USP49: variants seen among roughly 807,000 people sequenced by gnomAD.
USP49 encodes the protein ubiquitin carboxyl-terminal hydrolase 49.
Under a neutral mutation model 58.6 loss-of-function variants are expected in USP49, and 24 were observed. The ratio of observed to expected loss-of-function variants is 0.41; its 90% CI spans 0.30 to 0.58. The LOEUF is 0.58. Among genes scored for constraint, USP49 ranks in the 20% least tolerant of loss-of-function variants. The pLI is 0.30. For missense variants in USP49, 703 were observed against 866.1 expected (o/e 0.81, Z 2.36); for synonymous variants, 408 against 365.1 (o/e 1.12, Z -1.34).
rs1278980522 is a variant in USP49, at chr6:41,805,768, C to T, written c.1216G>A (p.Glu406Lys). The change falls in exon 4 of 8, where the codon GAG (glutamate) becomes AAG (lysine). Residue 406 changes from glutamate (E) to lysine (K), a missense_variant. By Grantham distance (56) the Glu-to-Lys change is moderately conservative. Transcript: ENST00000682992. The stretch of plus-strand genomic sequence containing the variant: ...TCCTGCTGCACCTTGTGCAGCAGCT[C>T]GCAGAGAAATTCCTGCGCGTCCTGT... ...DQQDAQEFLC[E>K]LLHKVQQELE... 1.2e-6 allele frequency: 2 copies of T among 1,614,078 alleles called. No individual in the cohort carries two copies. The highest frequency in any genetic ancestry group is 1.7e-6 in the Non-Finnish European group (2 of 1,180,012).
chr6:41,853,999 CGAAAAAAAAAA>C (rs1319725790), intron 3 of USP49, among the ~76,000 whole-genome samples: 6 of 58,870 alleles, frequency 1.0e-4, no homozygotes, highest in South Asian at 6.4e-4. Context: ...GACTCTGTCT[CGAAAAAAAAAA>C]AAAAAAAAAA....
intron 3 of USP49, among the ~76,000 whole-genome samples, chr6:41,851,827 C>T (rs1450772242): frequency 6.6e-5 from 10 of 151,440 alleles, no homozygotes; most frequent in Non-Finnish European, 1.3e-4. Flanking sequence ...TTGCGGCGGG[C>T]ACCTGTAATC....
In USP49 at chr6:41,827,369, A is replaced by C. The variant is rs973662746; in HGVS notation, c.-28-20358T>G. On this transcript the variant is annotated intron_variant, in intron 3 of 7. Coordinates refer to ENST00000682992, the MANE Select transcript of USP49 (RefSeq NM_001286554.2). ...TTTATTTAAGATTTCTCCAAGTAGA[A>C]TATAGTCAGGCCGGGCACAGTGGCT... Among the ~76,000 whole-genome samples the C allele has an allele frequency of 1.6e-4, 25 of 152,256 alleles. 1 individual carries two copies. The East Asian group carries it at 4.6e-3, about 28-fold the overall frequency.
chr6:41,796,522 A>G lies in USP49; in HGVS notation c.*11T>C, dbSNP rs538886251. The G allele has an allele frequency of 8.4e-6, 6 of 716,786 alleles. No individual in the cohort carries two copies. Among genetic ancestry groups the G allele is most frequent in the Non-Finnish European group, 1.6e-5 (6 of 384,860 alleles). The allele number at this position is 716,786 out of a possible 1,614,324, so 44.4% of individuals were successfully genotyped here. On this transcript the variant is annotated 3_prime_UTR_variant, in exon 8 of 8. Coordinates refer to ENST00000682992, the MANE Select transcript of USP49 (RefSeq NM_001286554.2). ...ATACACAAAAGCCAGTCTTTGATAC[A>G]TGCCTCCCATTCAGGAAAATGTCTG...
chr6:41,882,300 A>G (rs1184348838), intron 2 of USP49, among the ~76,000 whole-genome samples: 1 of 152,194 alleles, frequency 6.6e-6, no homozygotes, highest in East Asian at 1.9e-4. Flanking sequence ...ACTTCGAGAT[A>G]AATACACCAA....
chr6:41,861,396 T>C (rs1483725330), intron 3 of USP49, among the ~76,000 whole-genome samples: 1 of 152,072 alleles, frequency 6.6e-6, no homozygotes, highest in African/African-American at 2.4e-5. Flanking sequence ...TGAGCCAAGA[T>C]CGCGCCACTG....
rs1046656345 is a variant in USP49, at chr6:41,794,990, C to T, written c.*1543G>A. ...GATCTGTGTGGGAAATGTGGCTCAT[C>T]AACATTGCTAAAGCTATAACCCTCA... On this transcript the variant is annotated 3_prime_UTR_variant, in exon 8 of 8. Transcript: ENST00000682992. 10 of 152,216 alleles carry T rather than the reference C, an allele frequency of 6.6e-5. No individual in the cohort carries two copies. The highest frequency in any genetic ancestry group is 2.2e-4 in the African/African-American group (9 of 41,446). The allele number at this position is 152,216 out of a possible 1,614,324, so 9.4% of individuals were successfully genotyped here.
rs1407217366 is a variant in USP49 at position 41,790,974 on chromosome 6, C to T, written c.*5559G>A. The T allele has an allele frequency of 2.0e-5, 3 of 152,126 alleles. No individual in the cohort carries two copies. The highest frequency in any genetic ancestry group is 4.4e-5 in the Non-Finnish European group (3 of 68,034). 9.4% of individuals were successfully genotyped at this position (152,126 alleles called of 1,614,324 possible). A position where few individuals can be genotyped will look rare whatever the true frequency, so the allele number is the denominator to read the frequency against. ...TAAGCCATAGTATAGATGCTAACCCCCATTTAGACCTGCATCAGATCACTT... is the reference window on the plus strand; with the variant it reads ...TAAGCCATAGTATAGATGCTAACCCTCATTTAGACCTGCATCAGATCACTT... On this transcript the variant is annotated 3_prime_UTR_variant, in exon 8 of 8. Coordinates refer to ENST00000682992, the MANE Select transcript of USP49 (RefSeq NM_001286554.2).
chr6:41,877,636 C>T (rs1774525877), intron 2 of USP49, among the ~76,000 whole-genome samples: 1 of 150,624 alleles, frequency 6.6e-6, no homozygotes, highest in African/African-American at 2.4e-5. Context: ...GATCTTAGCT[C>T]ACTGCAACCT....
At chr6:41,827,614 C>T (rs1001227744) in intron 3 of USP49, among the ~76,000 whole-genome samples, 2 of 148,354 alleles carry the variant, frequency 1.3e-5, no homozygotes, top group Non-Finnish European at 3.0e-5. Flanking sequence ...GAGCCAAGAT[C>T]GCACCACTAC....
chr6:41,858,875 A>G (rs1207088853), intron 3 of USP49, among the ~76,000 whole-genome samples: 1 of 152,200 alleles, frequency 6.6e-6, no homozygotes, highest in Non-Finnish European at 1.5e-5. Context: ...ACTTATGTAT[A>G]GTCATTCTCC....
intron 7 of USP49, chr6:41,798,422 C>T (rs933820633): frequency 1.6e-4 from 82 of 515,530 alleles, no homozygotes; most frequent in Middle Eastern, 6.2e-4. Context: ...TACCAGTGCC[C>T]ACCACCACGC....
In USP49 at chr6:41,806,492, C is replaced by T. The variant is rs552911268; in HGVS notation, c.492G>A (p.Arg164=). ...TLRLWFEKSS[R]GQAKLEQRRQ... ...GCCGCTGCTCCAGCTTCGCCTGGCCCCGGGAGCTCTTCTCGAACCACAGCC... is the reference window on the plus strand; with the variant it reads ...GCCGCTGCTCCAGCTTCGCCTGGCCTCGGGAGCTCTTCTCGAACCACAGCC... The change falls in exon 4 of 8, where the codon CGG becomes CGA. Residue 164 remains arginine (R), a synonymous_variant. Transcript: ENST00000682992. The surrounding 1 kb of genome is among the most constrained non-coding windows in gnomAD (Gnocchi z 5.9). The T allele has an allele frequency of 5.0e-6, 8 of 1,598,190 alleles. No individual in the cohort carries two copies. The highest frequency in any genetic ancestry group is 1.3e-5 in the African/African-American group (1 of 74,894).
chr6:41,864,125 C>T (rs866195969), intron 3 of USP49, among the ~76,000 whole-genome samples: 2 of 152,244 alleles, frequency 1.3e-5, no homozygotes, highest in Middle Eastern at 3.4e-3. Flanking sequence ...ATGTCTAACA[C>T]AATTCTTAGT....
intron 3 of USP49, among the ~76,000 whole-genome samples, chr6:41,860,008 T>G (rs1774192718): frequency 6.6e-6 from 1 of 152,210 alleles, no homozygotes; most frequent in Non-Finnish European, 1.5e-5. Context: ...CTGTCATGAA[T>G]TAGCAGACCT....
chr6:41,803,204 G>A lies in USP49; in HGVS notation c.1561+602C>T, dbSNP rs1773050685. Among the ~76,000 whole-genome samples the A allele has an allele frequency of 6.6e-6, 1 of 152,326 alleles. No homozygotes were observed. The highest frequency in any genetic ancestry group is 2.1e-4 in the South Asian group (1 of 4,826). ...GAAGCTAAGTACTAACATTCTCAGA[G>A]TCCCCATTTCAGGAGCCACAACTTT... On this transcript the variant is annotated intron_variant, in intron 5 of 7. Transcript: ENST00000682992. This position sits in a 1 kb window ranked among gnomAD's most constrained non-coding sequence, Gnocchi z 4.1.
intron 3 of USP49, among the ~76,000 whole-genome samples, chr6:41,817,677 G>A (rs1383919468): frequency 2.6e-5 from 4 of 151,490 alleles, no homozygotes; most frequent in East Asian, 3.9e-4. Flanking sequence ...GTGCAGTGGC[G>A]CTATCTCAGC....
In USP49 at chr6:41,806,770, G is replaced by C; in HGVS notation, c.214C>G (p.Leu72Val). ...TTGCACAGGTAACAGAACACGTAGAGATCCCGGACTTCCATGGCTAGCGGG... is the reference window on the plus strand; with the variant it reads ...TTGCACAGGTAACAGAACACGTAGACATCCCGGACTTCCATGGCTAGCGGG... The part of the protein sequence containing the change: ...GHPLAMEVRD[L>V]YVFCYLCKDY... The change falls in exon 4 of 8, where the codon CTC becomes GTC. Residue 72 changes from leucine to valine, a missense_variant. By Grantham distance (32) the Leu-to-Val change is conservative (BLOSUM62 1). This residue lies in a region of USP49 where 376 missense variants were observed against 373.5 expected (regional missense o/e 1.01). Transcript: ENST00000682992. This position sits in a 1 kb window ranked among gnomAD's most constrained non-coding sequence, Gnocchi z 5.9. 6.2e-7 allele frequency: 1 copy of C among 1,614,238 alleles called. No homozygotes were observed.
intron 3 of USP49, among the ~76,000 whole-genome samples, chr6:41,864,586 C>T (rs1274606055): frequency 6.6e-6 from 1 of 151,854 alleles, no homozygotes; most frequent in Non-Finnish European, 1.5e-5. Context: ...ACAAAAATCT[C>T]CTTTCACACC....
Sources: allele counts gnomAD v4.1 joint callset (sites outside exome capture counted in the v4.1 genomes callset), GRCh38; gene constraint gnomAD v4.1.1; regional missense constraint gnomAD v4.1.1; non-coding constraint Gnocchi (gnomAD v3.1); transcripts MANE v1.5; gene names NCBI Gene and HGNC (gene_info 2026-07-23, HGNC 2026-07-21).